The following RAD23B variants were observed in gnomAD, a reference collection of about 807,000 sequenced individuals.
The protein encoded by RAD23B is RAD23 nucleotide excision repair protein B.
In RAD23B, 5 loss-of-function variants were observed where a neutral mutation model predicts 49.1. The observed-to-expected ratio is 0.10, with a 90% confidence interval of 0.05 to 0.21. The LOEUF is 0.21. Among genes scored for constraint, RAD23B ranks in the 10% least tolerant of loss-of-function variants. The pLI is 1.00. For missense variants in RAD23B, 356 were observed against 486.7 expected (o/e 0.73, Z 2.53); for synonymous variants, 184 against 165.4 (o/e 1.11, Z -0.86).
chr9:107,303,227 C>G (rs1010179077), intron 3 of RAD23B, among the ~76,000 whole-genome samples: 2 of 152,082 alleles, frequency 1.3e-5, no homozygotes, highest in Admixed American at 1.3e-4. Context: ...GTTTAAATCA[C>G]TAATTGAAAC....
chr9:107,313,729 C>T (rs1826935640), intron 5 of RAD23B, among the ~76,000 whole-genome samples: 1 of 152,162 alleles, frequency 6.6e-6, no homozygotes, highest in Non-Finnish European at 1.5e-5. Flanking sequence ...ACTTTAGAAC[C>T]TCCATGACTT....
chr9:107,302,640 G>GT (rs34926107), intron 3 of RAD23B, among the ~76,000 whole-genome samples: 111,235 of 148,926 alleles, frequency 0.75, 42,528 homozygotes, highest in African/African-American at 0.92. Flanking sequence ...TTATGAGGAA[G>GT]TTTTTTTTGT....
intron 1 of RAD23B, chr9:107,284,077 C>T (rs769577102): frequency 1.7e-4 from 169 of 1,010,780 alleles, no homozygotes; most frequent in Non-Finnish European, 1.9e-4. Context: ...ACGTAGGCGT[C>T]GCCACTACCC....
At chr9:107,284,069 G>A (rs558749580) in intron 1 of RAD23B, 4 of 1,014,680 alleles carry the variant, frequency 3.9e-6, no homozygotes, top group South Asian at 4.6e-5. Context: ...GGAGGGAGAC[G>A]TAGGCGTCGC....
intron 1 of RAD23B, among the ~76,000 whole-genome samples, chr9:107,288,137 T>A (rs1426859979): frequency 1.3e-5 from 2 of 152,212 alleles, no homozygotes; most frequent in African/African-American, 4.8e-5. Context: ...AGACTTTTGC[T>A]GTTTTGATGC....
chr9:107,318,893 T>A lies in RAD23B; in HGVS notation c.681+14T>A. 5.6e-6 allele frequency: 9 copies of A among 1,602,520 alleles called. No individual in the cohort carries two copies. The highest frequency in any genetic ancestry group is 7.7e-6 in the Non-Finnish European group (9 of 1,173,406). On this transcript the variant is annotated intron_variant, in intron 6 of 9. Transcript: ENST00000358015. The surrounding 1 kb of genome is among the most constrained non-coding windows in gnomAD (Gnocchi z 4.3). The stretch of plus-strand genomic sequence containing the variant: ...TATCTTTTAATGGTGAGAAATATGT[T>A]TTACTTTACTCCATTCTGTTGTTTA...
chr9:107,283,803 C>T, intron 1 of RAD23B, 108 bp downstream of exon 1: 1 of 1,069,156 alleles, frequency 9.4e-7, no homozygotes, highest in Non-Finnish European at 1.2e-6. Flanking sequence ...CCGGAGGGCG[C>T]GATGAGGGCC....
intron 1 of RAD23B, 131 bp from the exon 2 acceptor site, chr9:107,300,010 A>T (rs1168299993): frequency 8.4e-7 from 1 of 1,184,280 alleles, no homozygotes; most frequent in African/African-American, 1.6e-5. Flanking sequence ...AATTGGAAAA[A>T]CATAATATTT....
At chr9:107,319,715 A>G (rs1244192741) in intron 6 of RAD23B, among the ~76,000 whole-genome samples, 2 of 152,096 alleles carry the variant, frequency 1.3e-5, no homozygotes, top group Non-Finnish European at 2.9e-5. Flanking sequence ...ATTTGTTTTT[A>G]TAGTCAGTAG....
chr9:107,323,306 A>G (rs1827144531), intron 7 of RAD23B, among the ~76,000 whole-genome samples: 1 of 152,216 alleles, frequency 6.6e-6, no homozygotes, highest in African/African-American at 2.4e-5. Context: ...GTAGTTCACA[A>G]ATGTTTGAAA....
chr9:107,328,595 C>T (rs10978797), intron 9 of RAD23B, among the ~76,000 whole-genome samples: 4 of 152,250 alleles, frequency 2.6e-5, no homozygotes, highest in Admixed American at 6.5e-5. Context: ...GGTGGTAATT[C>T]GAGTGATGGG....
chr9:107,306,079 ATC>A (rs201979026), intron 3 of RAD23B, among the ~76,000 whole-genome samples: 20,974 of 97,346 alleles, frequency 0.22, 2,380 homozygotes, highest in East Asian at 0.34. Flanking sequence ...ATATCTATAT[ATC>A]TATATATATT....
chr9:107,299,161 T>C (rs1826597696), intron 1 of RAD23B, among the ~76,000 whole-genome samples: 1 of 152,218 alleles, frequency 6.6e-6, no homozygotes, highest in Admixed American at 6.5e-5. Context: ...TAAGCTTTTT[T>C]TATCTTTGAA....
At chr9:107,317,342 G>A (rs1827018045) in intron 5 of RAD23B, among the ~76,000 whole-genome samples, 1 of 152,072 alleles carries the variant, frequency 6.6e-6, no homozygotes, top group Admixed American at 6.6e-5. Context: ...AAATCACCAG[G>A]GTTTTTGTCC....
intron 7 of RAD23B, among the ~76,000 whole-genome samples, 188 bp downstream of exon 7, chr9:107,322,306 T>G (rs1025555817): frequency 6.6e-6 from 1 of 152,262 alleles, no homozygotes; most frequent in Non-Finnish European, 1.5e-5. Flanking sequence ...AAGGTATCCT[T>G]GCTGATATTA....
At chr9:107,313,899 T>G (rs1299113763) in intron 5 of RAD23B, among the ~76,000 whole-genome samples, 1 of 151,846 alleles carries the variant, frequency 6.6e-6, no homozygotes, top group Non-Finnish European at 1.5e-5. Flanking sequence ...CCTCTCTCCT[T>G]TCTCCTTTCC....
chr9:107,309,930 C>CAA (rs34745859), intron 4 of RAD23B, among the ~76,000 whole-genome samples: 6,458 of 75,334 alleles, frequency 0.086, 273 homozygotes, highest in Non-Finnish European at 0.11. Flanking sequence ...GACTCCATCT[C>CAA]AAAAAAAAAA....
At chr9:107,320,856 G>GT (rs1827096021) in intron 6 of RAD23B, among the ~76,000 whole-genome samples, 1 of 152,148 alleles carries the variant, frequency 6.6e-6, no homozygotes, top group Non-Finnish European at 1.5e-5. Context: ...AATGCCTGGA[G>GT]TGACATCTAA....
chr9:107,284,752 A>C (rs1240437417), intron 1 of RAD23B: 1 of 1,108,446 alleles, frequency 9.0e-7, no homozygotes, highest in Admixed American at 4.3e-5. Context: ...AAAGTAGTTG[A>C]TTCTATTTTG....
Sources: gnomAD v4.1 joint callset for allele counts (sites outside exome capture counted in the v4.1 genomes callset) on GRCh38, gnomAD v4.1.1 for gene constraint, Gnocchi (gnomAD v3.1) non-coding constraint, MANE v1.5 for transcripts, NCBI Gene and HGNC (gene_info 2026-07-23, HGNC 2026-07-21) for gene names.